Variants in TENM2 observed in about 807,000 individuals in gnomAD.
TENM2 encodes the protein teneurin-2.
A neutral mutation model predicts 245.2 loss-of-function variants in TENM2; 52 were observed. The ratio of observed to expected loss-of-function variants is 0.21; its 90% CI spans 0.17 to 0.27. The LOEUF is 0.27. Among genes scored for constraint, TENM2 ranks in the 10% least tolerant of loss-of-function variants. The pLI is 1.00. For synonymous variants in TENM2, 1,363 were observed against 1,438.9 expected, an observed-to-expected ratio of 0.95 and a Z score of 1.19; for missense variants, 3,046 against 3,666.8, an observed-to-expected ratio of 0.83 and a Z score of 4.37.
intron 2 of TENM2, among the ~76,000 whole-genome samples, chr5:167,851,577 G>A (rs139609762): frequency 2.0e-5 from 3 of 152,170 alleles, no homozygotes; most frequent in Non-Finnish European, 4.4e-5. Context: ...CAATACCAGA[G>A]CCCGAGGGTA....
intron 25 of TENM2, among the ~76,000 whole-genome samples, chr5:168,242,688 C>A (rs1403777427): frequency 6.6e-6 from 1 of 152,210 alleles, no homozygotes; most frequent in Non-Finnish European, 1.5e-5. Context: ...CGTGGTGGCT[C>A]ACACCTGTAA....
the TENM2 span, among the ~76,000 whole-genome samples, chr5:167,236,397 A>T: frequency 6.6e-6 from 1 of 152,194 alleles, no homozygotes; most frequent in African/African-American, 2.4e-5. Context: ...AGCCAGCTTG[A>T]AGTAACCTCT....
intron 2 of TENM2, among the ~76,000 whole-genome samples, chr5:167,683,995 A>T (rs1000037692): frequency 6.6e-6 from 1 of 152,166 alleles, no homozygotes; most frequent in Admixed American, 6.5e-5. Context: ...TGCACACTCC[A>T]TGTGGATGTG....
chr5:168,260,343 C>T lies in TENM2; in HGVS notation c.7493C>T (p.Pro2498Leu), dbSNP rs1768070138. The change falls in exon 28 of 29, where the codon CCG becomes CTG. Residue 2498 changes from proline (P) to leucine (L), a missense_variant. Coordinates refer to ENST00000518659, the Ensembl canonical transcript of TENM2. ...CTTAGCAACATCATTCCTGGCTTCC[C>T]GAGAGCCAAAATGTATTTCGTGCCT... 2.0e-5 allele frequency: 32 copies of T among 1,613,796 alleles called. No homozygotes were observed. The highest frequency in any genetic ancestry group is 2.5e-5 in the Non-Finnish European group (30 of 1,179,830).
chr5:167,708,819 GT>G (rs1040394109), intron 2 of TENM2, among the ~76,000 whole-genome samples: 16 of 151,936 alleles, frequency 1.1e-4, no homozygotes, highest in Non-Finnish European at 1.9e-4. Context: ...ATATGTTAAA[GT>G]TTTTTTTATA....
chr5:168,082,324 C>T (rs1342872198), intron 7 of TENM2, among the ~76,000 whole-genome samples: 1 of 152,142 alleles, frequency 6.6e-6, no homozygotes, highest in Non-Finnish European at 1.5e-5. Flanking sequence ...TCTAGTTAGC[C>T]ATTCGTCTAA....
At chr5:168,050,282 T>C (rs994375552) in intron 6 of TENM2, among the ~76,000 whole-genome samples, 2 of 152,214 alleles carry the variant, frequency 1.3e-5, no homozygotes, top group African/African-American at 4.8e-5. Flanking sequence ...TAAAATGTTT[T>C]CAGTTCTCTC....
intron 27 of TENM2, among the ~76,000 whole-genome samples, chr5:168,250,517 T>G (rs1209605977): frequency 1.3e-5 from 2 of 152,148 alleles, no homozygotes; most frequent in East Asian, 3.9e-4. Flanking sequence ...AAGGCAGGAA[T>G]GGAAGCAGCA....
chr5:167,533,369 G>T (rs565365733), intron 2 of TENM2, among the ~76,000 whole-genome samples: 1 of 152,246 alleles, frequency 6.6e-6, no homozygotes, highest in South Asian at 2.1e-4. Context: ...GAGTACAATG[G>T]GTTATGGCAG....
intron 2 of TENM2, among the ~76,000 whole-genome samples, chr5:167,738,562 A>G (rs1306859120): frequency 6.6e-6 from 1 of 152,198 alleles, no homozygotes; most frequent in Non-Finnish European, 1.5e-5. Flanking sequence ...GAAATAATCG[A>G]TAAATATTTA....
intron 12 of TENM2, among the ~76,000 whole-genome samples, chr5:168,135,869 G>A (rs1160204297): frequency 1.3e-5 from 2 of 152,096 alleles, no homozygotes; most frequent in Non-Finnish European, 2.9e-5. Context: ...ACCAGCCAGT[G>A]TTTTTTTGGT....
intron 2 of TENM2, among the ~76,000 whole-genome samples, chr5:167,505,306 G>A (rs886272323): frequency 1.3e-5 from 2 of 152,110 alleles, no homozygotes; most frequent in Non-Finnish European, 2.9e-5. Context: ...TTAGTCAAAT[G>A]CAAAACATGT....
intron 2 of TENM2, among the ~76,000 whole-genome samples, chr5:167,699,289 T>A (rs1407118783): frequency 1.3e-5 from 2 of 152,014 alleles, no homozygotes; most frequent in Non-Finnish European, 2.9e-5. Flanking sequence ...TGAAGTCTCA[T>A]CCAAGCCCAA....
intron 4 of TENM2, among the ~76,000 whole-genome samples, chr5:167,981,401 C>T (rs1782824715): frequency 6.6e-6 from 1 of 152,166 alleles, no homozygotes; most frequent in Admixed American, 6.5e-5. Flanking sequence ...GAGTGGAAAT[C>T]AAAAGTTGTG....
chr5:168,200,544 G>A (rs1761849054), intron 17 of TENM2, among the ~76,000 whole-genome samples: 1 of 152,158 alleles, frequency 6.6e-6, no homozygotes, highest in South Asian at 2.1e-4. Context: ...CAGAGAGAAG[G>A]CCAGTGTAGC....
Position 168,218,516 on chromosome 5 carries a change from T to C in TENM2, c.4625T>C (p.Ile1542Thr). 6.2e-7 allele frequency: 1 copy of C among 1,614,062 alleles called. No homozygotes were observed. Among genetic ancestry groups the C allele is most frequent in the Non-Finnish European group, 8.5e-7 (1 of 1,179,902 alleles). The change falls in exon 23 of 29, where the codon ATC becomes ACC. Residue 1542 changes from isoleucine (I) to threonine (T), a missense_variant. Transcript: ENST00000518659. This position sits in a 1 kb window ranked among gnomAD's most constrained non-coding sequence, Gnocchi z 5.2. ...GATGATGCCTACGCGACTGATGCCA[T>C]CTTGAATTCCCCATCATCCTTAGCT...
intron 13 of TENM2, among the ~76,000 whole-genome samples, chr5:168,188,852 T>C (rs1183124680): frequency 6.6e-6 from 1 of 152,174 alleles, no homozygotes; most frequent in East Asian, 1.9e-4. Flanking sequence ...GAATGCTTCT[T>C]TGAGAACCTC....
intron 2 of TENM2, among the ~76,000 whole-genome samples, chr5:167,804,321 C>T (rs914378655): frequency 1.4e-4 from 22 of 152,006 alleles, no homozygotes; most frequent in Admixed American, 1.3e-3. Flanking sequence ...CCTTTCTTGC[C>T]GTAAGCCCTG....
chr5:167,712,207 T>A (rs1758958438), intron 2 of TENM2, among the ~76,000 whole-genome samples: 1 of 152,160 alleles, frequency 6.6e-6, no homozygotes, highest in African/African-American at 2.4e-5. Flanking sequence ...AAAAAATAAG[T>A]TTAATAAGTA....
Sources: allele counts gnomAD v4.1 joint callset (sites outside exome capture counted in the v4.1 genomes callset), GRCh38; gene constraint gnomAD v4.1.1; non-coding constraint Gnocchi (gnomAD v3.1); transcripts MANE v1.5; gene names NCBI Gene and HGNC (gene_info 2026-07-23, HGNC 2026-07-21).